TECRL: variants seen among roughly 807,000 people sequenced by gnomAD.
The protein encoded by TECRL is trans-2,3-enoyl-CoA reductase like, also known as trans-2,3-enoyl-CoA reductase-like.
In TECRL, 63 loss-of-function variants were observed where a neutral mutation model predicts 52.8. That is an observed-to-expected ratio of 1.19 (90% CI 0.97 to 1.47). The LOEUF (loss-of-function observed/expected upper bound fraction) is 1.47, where lower values mean the gene tolerates loss of function less well. Among genes scored for constraint, TECRL ranks in the 40% most tolerant of loss-of-function variants. The pLI is 0.00. For missense variants in TECRL, 482 were observed against 429.6 expected (o/e 1.12, Z -1.08); for synonymous variants, 164 against 141.9 (o/e 1.16, Z -1.10).
At chr4:64,365,442 A>G (rs1167240998) in intron 2 of TECRL, among the ~76,000 whole-genome samples, 3 of 152,184 alleles carry the variant, frequency 2.0e-5, no homozygotes, top group East Asian at 1.9e-4. Flanking sequence ...AAGTCAAACT[A>G]TCTCTCTTCA....
chr4:64,345,171 T>C (rs1719861880), intron 2 of TECRL, among the ~76,000 whole-genome samples: 1 of 152,088 alleles, frequency 6.6e-6, no homozygotes, highest in East Asian at 1.9e-4. Flanking sequence ...GATCTAGAAA[T>C]ACCATTTGAC....
At chr4:64,320,681 A>C (rs906209490) in intron 4 of TECRL, among the ~76,000 whole-genome samples, 1 of 152,044 alleles carries the variant, frequency 6.6e-6, no homozygotes, top group Non-Finnish European at 1.5e-5. Flanking sequence ...GCTCACCCTG[A>C]CACAATTTCT....
intron 2 of TECRL, among the ~76,000 whole-genome samples, chr4:64,339,863 G>A (rs1719427976): frequency 6.6e-6 from 1 of 151,866 alleles, no homozygotes; most frequent in Non-Finnish European, 1.5e-5. Context: ...CTATTTTCAC[G>A]ATCATAAATT....
intron 2 of TECRL, among the ~76,000 whole-genome samples, chr4:64,368,822 A>G (rs540741834): frequency 2.0e-5 from 3 of 152,248 alleles, no homozygotes; most frequent in South Asian, 2.1e-4. Flanking sequence ...ACTATATGTG[A>G]TAAATCCTCC....
At chr4:64,332,286 G>C (rs1718694349) in intron 2 of TECRL, among the ~76,000 whole-genome samples, 1 of 152,124 alleles carries the variant, frequency 6.6e-6, no homozygotes, top group Non-Finnish European at 1.5e-5. Flanking sequence ...CCTTAAATAA[G>C]GATGAATCAG....
intron 2 of TECRL, among the ~76,000 whole-genome samples, chr4:64,336,622 C>T (rs1189619947): frequency 3.3e-5 from 5 of 152,156 alleles, no homozygotes; most frequent in Non-Finnish European, 7.3e-5. Context: ...TTAGAACTTT[C>T]CCGCTTTCTC....
chr4:64,326,082 C>A (rs1718241065), intron 3 of TECRL, among the ~76,000 whole-genome samples: 1 of 152,080 alleles, frequency 6.6e-6, no homozygotes, highest in East Asian at 1.9e-4. Flanking sequence ...CAAATTAACA[C>A]AAGCACAACC....
At chr4:64,353,529 A>G (rs1720546468) in intron 2 of TECRL, among the ~76,000 whole-genome samples, 1 of 152,186 alleles carries the variant, frequency 6.6e-6, no homozygotes, top group Non-Finnish European at 1.5e-5. Flanking sequence ...TAAGAGAGAC[A>G]GTGGTGTTTA....
At chr4:64,333,980 C>A (rs1165813120) in intron 2 of TECRL, among the ~76,000 whole-genome samples, 6 of 109,998 alleles carry the variant, frequency 5.5e-5, no homozygotes, top group Non-Finnish European at 8.8e-5. Context: ...GCCGAGATTG[C>A]GCCACTGCAG....
At chr4:64,308,448 G>T (rs546344909) in intron 6 of TECRL, among the ~76,000 whole-genome samples, 1 of 152,082 alleles carries the variant, frequency 6.6e-6, no homozygotes, top group Non-Finnish European at 1.5e-5. Context: ...ATGGCCAACC[G>T]CAGGCATGTG....
intron 1 of TECRL, among the ~76,000 whole-genome samples, chr4:64,392,106 C>G (rs965130201): frequency 1.3e-5 from 2 of 151,818 alleles, no homozygotes; most frequent in African/African-American, 4.8e-5. Context: ...TCTATACTGA[C>G]AAAGCAGAAG....
chr4:64,311,102 GTTTA>G (rs1030811099), intron 5 of TECRL, among the ~76,000 whole-genome samples: 2 of 152,100 alleles, frequency 1.3e-5, no homozygotes, highest in African/African-American at 2.4e-5. Context: ...TAGACATTGA[GTTTA>G]TTTATACGTT....
chr4:64,313,977 C>CAAAAA (rs752037972), intron 5 of TECRL, among the ~76,000 whole-genome samples: 8 of 61,948 alleles, frequency 1.3e-4, no homozygotes, highest in Non-Finnish European at 2.5e-4. Context: ...ACTAAAAATA[C>CAAAAA]AAAAAAAAAA....
chr4:64,403,330 A>T (rs1052565153), intron 1 of TECRL, among the ~76,000 whole-genome samples: 1 of 152,010 alleles, frequency 6.6e-6, no homozygotes, highest in Non-Finnish European at 1.5e-5. Flanking sequence ...GGTTAACTAT[A>T]CATGGATATC....
intron 4 of TECRL, among the ~76,000 whole-genome samples, chr4:64,318,699 A>G (rs1717680172): frequency 2.0e-5 from 3 of 152,040 alleles, no homozygotes; most frequent in Admixed American, 2.0e-4. Context: ...AGAACTGCCA[A>G]CATAAACTTA....
intron 2 of TECRL, among the ~76,000 whole-genome samples, chr4:64,360,324 G>C (rs192423314): frequency 1.5e-4 from 23 of 152,122 alleles, no homozygotes; most frequent in Middle Eastern, 3.4e-3. Flanking sequence ...TTTTAAAGTT[G>C]AGTAATAATT....
chr4:64,406,151 C>T (rs1578007082), intron 1 of TECRL, among the ~76,000 whole-genome samples: 1 of 92,284 alleles, frequency 1.1e-5, no homozygotes, highest in Non-Finnish European at 2.5e-5. Context: ...TTGTTAGGCG[C>T]GCGCGCGCGC....
downstream of TECRL, chr4:64,276,939 C>T (rs1320240794): frequency 2.2e-6 from 2 of 920,464 alleles, no homozygotes; most frequent in African/African-American, 1.7e-5. Flanking sequence ...GTTTTAAAGG[C>T]TAAAAATGTG....
chr4:64,314,692 A>T lies in TECRL; in HGVS notation c.507T>A (p.Tyr169Ter). 6.2e-7 allele frequency: 1 copy of T among 1,613,536 alleles called. No homozygotes were observed. The highest frequency in any genetic ancestry group is 1.7e-4 in the Middle Eastern group (1 of 6,060). The change falls in exon 5 of 12, where the codon TAT becomes TAA. Residue 169 changes from tyrosine (Y) to a stop codon, truncating the protein, a stop_gained. Transcript: ENST00000381210. LOFTEE classifies it high-confidence loss of function. ...LLFYLRIPCI[Y>*]DGKESARRLR... ...ATCTTCTAGCACTCTCTTTTCCATC[A>T]TATATACATGGGATCCTCAAATAAA... is the stretch of plus-strand genomic sequence containing the variant.
Sources: gnomAD v4.1 joint callset for allele counts (sites outside exome capture counted in the v4.1 genomes callset) on GRCh38, gnomAD v4.1.1 for gene constraint, MANE v1.5 for transcripts, NCBI Gene and HGNC (gene_info 2026-07-23, HGNC 2026-07-21) for gene names.